CROCC2: variants seen among roughly 807,000 people sequenced by gnomAD.
CROCC2 encodes the protein ciliary rootlet coiled-coil, rootletin family member 2, also known as ciliary rootlet coiled-coil protein 2.
CROCC2 carries 163 observed loss-of-function variants against 177.6 expected under a neutral mutation model. The observed-to-expected ratio is 0.92, with a 90% confidence interval of 0.81 to 1.05. The LOEUF (loss-of-function observed/expected upper bound fraction) is 1.05. Among genes scored for constraint, CROCC2 ranks in the 50% least tolerant of loss-of-function variants. CROCC2 has a pLI of 0.00. For missense variants in CROCC2, 1,929 were observed against 1,797.8 expected, an observed-to-expected ratio of 1.07 and a Z score of -1.32; for synonymous variants, 904 against 787.3, an observed-to-expected ratio of 1.15 and a Z score of -2.48.
At chr2:240,906,758 C>A (rs1422791407) in intron 1 of CROCC2, among the ~76,000 whole-genome samples, 167 bp downstream of exon 1, 1 of 152,234 alleles carries the variant, frequency 6.6e-6, no homozygotes, top group East Asian at 1.9e-4. Flanking sequence ...GTCACGGATG[C>A]AAGCAGGCGC....
chr2:240,946,024 T>C, intron 14 of CROCC2, 36 bp from the exon 15 acceptor site: 1 of 1,450,592 alleles, frequency 6.9e-7, no homozygotes, highest in Non-Finnish European at 9.2e-7. Context: ...ACTTACTCTC[T>C]TTCTCTGCCG....
rs938170255 is a variant in CROCC2, at chr2:240,972,849, A to T, written c.4401+4587A>T. ...TTTTTGTAATCTATGAGTCATTGTG[A>T]TAGGTTTCTGGATTCAGACACACCT... On this transcript the variant is annotated intron_variant, in intron 27 of 31. Transcript: ENST00000690015. This position sits in a 1 kb window ranked among gnomAD's most constrained non-coding sequence, Gnocchi z 7.1. Among the ~76,000 whole-genome samples the T allele has an allele frequency of 2.6e-5, 4 of 151,996 alleles. No homozygotes were observed. The highest frequency in any genetic ancestry group is 9.7e-5 in the African/African-American group (4 of 41,342).
Position 240,935,378 on chromosome 2 carries a change from G to C in CROCC2, c.1959G>C (p.Gln653His). The C allele has an allele frequency of 7.3e-7, 1 of 1,360,650 alleles. No homozygotes were observed. Among genetic ancestry groups the C allele is most frequent in the Non-Finnish European group, 9.5e-7 (1 of 1,050,364 alleles). 84.3% of individuals were successfully genotyped at this position (1,360,650 alleles called of 1,614,324 possible). A position where few individuals can be genotyped will look rare whatever the true frequency, so the allele number is the denominator to read the frequency against. ...GGCAGCTGGAGCAGGAGCGGGACCA[G>C]CTGCGGGAACAGCGGAAGACTCTGG... Reference protein sequence around the residue: ...LALQLEQERDQLREQRKTLEQ... With the variant: ...LALQLEQERDHLREQRKTLEQ... Residue 653 changes from glutamine (Q) to histidine (H), a missense_variant, in exon 14 of 32, where the codon CAG becomes CAC. This residue lies in a region of CROCC2 where 1,397 missense variants were observed against 1,239.9 expected (regional missense o/e 1.13). Coordinates refer to ENST00000690015, the MANE Select transcript of CROCC2 (RefSeq NM_001351305.2).
In CROCC2 at chr2:240,989,455, C is replaced by T. The variant is rs2059862424; in HGVS notation, c.4684-199C>T. Among the ~76,000 whole-genome samples, 4 of 152,298 alleles carry T rather than the reference C, an allele frequency of 2.6e-5. No individual in the cohort carries two copies. In the South Asian group the frequency reaches 8.3e-4, roughly 32 times the overall value. ...GGCTGTGGCTTAGTCTCCAGCCCAG[C>T]CAAAGCCAAACCCAAGGCCCACGGG... On this transcript the variant is annotated intron_variant, in intron 29 of 31. Transcript: ENST00000690015.
At position 240,960,418 on chromosome 2, in the gene CROCC2, A is replaced by C. The variant is rs1453699498; in HGVS notation, c.3087+974A>C. The stretch of plus-strand genomic sequence containing the variant: ...CGTGGGGTGGGGGACAGTCTTGGGC[A>C]GGGGGCAAGAGTGGCCAGGGCTAGG... On this transcript the variant is annotated intron_variant, in intron 20 of 31. Coordinates refer to ENST00000690015, the MANE Select transcript of CROCC2 (RefSeq NM_001351305.2). The surrounding 1 kb of genome is among the most constrained non-coding windows in gnomAD (Gnocchi z 5.0). Among the ~76,000 whole-genome samples the C allele has an allele frequency of 1.3e-5, 2 of 150,746 alleles. No homozygotes were observed. Among genetic ancestry groups the C allele is most frequent in the Non-Finnish European group, 3.0e-5 (2 of 67,758 alleles).
rs759959612 is a variant in CROCC2, at chr2:240,959,328, C to A, written c.2971C>A (p.Leu991Met). 1.7e-4 allele frequency: 260 copies of A among 1,550,414 alleles called. 1 individual carries two copies. Among genetic ancestry groups the A allele is most frequent in the Non-Finnish European group, 2.2e-4 (250 of 1,146,968 alleles). ...CACCATCAGTGCCACGACTGAGGAG[C>A]TGAAGGCCCTCCAGGCCCAGTTTGA... The part of the protein sequence containing the change: ...QATISATTEE[L>M]KALQAQFEDA... The change falls in exon 20 of 32, where the codon CTG (leucine) becomes ATG (methionine). Residue 991 changes from leucine (L) to methionine (M), a missense_variant. This residue lies in a region of CROCC2 where 1,397 missense variants were observed against 1,239.9 expected (regional missense o/e 1.13). Coordinates refer to ENST00000690015, the MANE Select transcript of CROCC2 (RefSeq NM_001351305.2).
At position 240,973,700 on chromosome 2, in the gene CROCC2, T is replaced by A. The variant is rs538292376; in HGVS notation, c.4401+5438T>A. Among the ~76,000 whole-genome samples the A allele has an allele frequency of 6.6e-6, 1 of 152,250 alleles. No individual in the cohort carries two copies. The highest frequency in any genetic ancestry group is 1.5e-5 in the Non-Finnish European group (1 of 68,046). On this transcript the variant is annotated intron_variant, in intron 27 of 31. Coordinates refer to ENST00000690015, the MANE Select transcript of CROCC2 (RefSeq NM_001351305.2). This position sits in a 1 kb window ranked among gnomAD's most constrained non-coding sequence, Gnocchi z 4.7. ...CTTAGGGCCAGCGGGGCCCACAAGG[T>A]GGACACTGAGCCACAGTCAGACTTG...
At chr2:240,935,609 T>A in intron 14 of CROCC2, 21 bp downstream of exon 14, 2 of 1,381,660 alleles carry the variant, frequency 1.4e-6, no homozygotes, top group Non-Finnish European at 1.9e-6. Flanking sequence ...CTGCAGGGCA[T>A]GCTGCCGCCG....
At chr2:240,991,036 C>T (rs985665622) in intron 30 of CROCC2, among the ~76,000 whole-genome samples, 160 bp from the exon 31 acceptor site, 2 of 152,364 alleles carry the variant, frequency 1.3e-5, no homozygotes, top group African/African-American at 2.4e-5. Flanking sequence ...GTCAGTCTGA[C>T]GTCTGCCTGA....
chr2:240,944,470 A>T (rs975561063), intron 14 of CROCC2, among the ~76,000 whole-genome samples: 81 of 152,126 alleles, frequency 5.3e-4, no homozygotes, highest in African/African-American at 1.9e-3. Flanking sequence ...TATGTCTATA[A>T]CATTCTTTTG....
intron 28 of CROCC2, chr2:240,983,479 G>A (rs2059815559): frequency 8.0e-7 from 1 of 1,242,490 alleles, no homozygotes; most frequent in East Asian, 7.1e-5. Flanking sequence ...CCGAGGCGCA[G>A]GCGGAGAGGC....
rs540982645 is a variant in CROCC2, at chr2:240,950,472, G to A, written c.2791G>A (p.Asp931Asn). The change falls in exon 18 of 32, where the codon GAC becomes AAC. Residue 931 changes from aspartate (D) to asparagine (N), a missense_variant. By Grantham distance (23) the Asp-to-Asn change is conservative. Transcript: ENST00000690015. Reference protein sequence around the residue: ...GEIQSLKQERDESLLQLEHKM... With the variant: ...GEIQSLKQERNESLLQLEHKM... Reference sequence around the variant, plus strand: ...AATTCAGAGCCTGAAGCAGGAGCGGGACGAGAGCCTTCTCCAACTGGAGCA... The same window carrying A: ...AATTCAGAGCCTGAAGCAGGAGCGGAACGAGAGCCTTCTCCAACTGGAGCA... The A allele has an allele frequency of 2.0e-4, 303 of 1,550,172 alleles. No homozygotes were observed. The highest frequency in any genetic ancestry group is 3.3e-4 in the Middle Eastern group (2 of 5,986).
At position 240,986,671 on chromosome 2, in the gene CROCC2, T is replaced by C. The variant is rs1263056528; in HGVS notation, c.4552-2068T>C. Among the ~76,000 whole-genome samples the C allele has an allele frequency of 5.9e-5, 9 of 152,254 alleles. 2 individuals carry two copies. Among genetic ancestry groups the C allele is most frequent in the African/African-American group, 2.2e-4 (9 of 41,540 alleles). ...TGGGAAGGGCAGGTGTCTTTGGACT[T>C]CCATCCGTGGAGCCTGGGGGACAGC... On this transcript the variant is annotated intron_variant, in intron 28 of 31. Coordinates refer to ENST00000690015, the MANE Select transcript of CROCC2 (RefSeq NM_001351305.2).
chr2:240,968,392 G>GTT (rs1231321357), intron 27 of CROCC2, 130 bp downstream of exon 27: 1 of 1,247,872 alleles, frequency 8.0e-7, no homozygotes, highest in Non-Finnish European at 1.1e-6. Flanking sequence ...TTCTGTGGGT[G>GTT]TTCGGGGCTG....
At position 240,949,174 on chromosome 2, in the gene CROCC2, C is replaced by A; in HGVS notation, c.2482+77C>A. Reference sequence around the variant, plus strand: ...GGCCCCTGGAATGGAGCTCAGTGCCCACACGTGCTGCACCCCCTCTCCGGA... The same window carrying A: ...GGCCCCTGGAATGGAGCTCAGTGCCAACACGTGCTGCACCCCCTCTCCGGA... On this transcript the variant is annotated intron_variant, in intron 16 of 31. Transcript: ENST00000690015. The surrounding 1 kb of genome is among the most constrained non-coding windows in gnomAD (Gnocchi z 4.5). The A allele has an allele frequency of 6.9e-7, 1 of 1,459,284 alleles. No homozygotes were observed. Among genetic ancestry groups the A allele is most frequent in the South Asian group, 1.4e-5 (1 of 68,994 alleles). The allele number at this position is 1,459,284 out of a possible 1,614,324, so 90.4% of individuals were successfully genotyped here. A position where few individuals can be genotyped will look rare whatever the true frequency, so the allele number is the denominator to read the frequency against.
chr2:240,953,627 C>T lies in CROCC2; in HGVS notation c.2830-2232C>T, dbSNP rs1484419210. ...GCCAGCTGCCCTTTATTCTTGGCGG[C>T]CTGTGTAGAGAAATTGAGTGGAGAA... On this transcript the variant is annotated intron_variant, in intron 18 of 31. Transcript: ENST00000690015. The surrounding 1 kb of genome is among the most constrained non-coding windows in gnomAD (Gnocchi z 4.0). 2.0e-5 allele frequency among the ~76,000 whole-genome samples: 3 copies of T among 152,150 alleles called. No individual in the cohort carries two copies. Among genetic ancestry groups the T allele is most frequent in the Admixed American group, 2.0e-4 (3 of 15,274 alleles).
intron 5 of CROCC2, among the ~76,000 whole-genome samples, chr2:240,927,335 T>G (rs1291348087): frequency 6.6e-6 from 1 of 152,224 alleles, no homozygotes; most frequent in Non-Finnish European, 1.5e-5. Flanking sequence ...CTTGTTATTT[T>G]GGGGAAGTCA....
intron 27 of CROCC2, chr2:240,981,849 A>T (rs2059802723): frequency 6.6e-6 from 1 of 152,102 alleles, no homozygotes; most frequent in Non-Finnish European, 1.5e-5. Flanking sequence ...GGGCTCATCA[A>T]GACCTGACCA....
chr2:240,944,169 C>T (rs990167666), intron 14 of CROCC2, among the ~76,000 whole-genome samples: 1 of 152,202 alleles, frequency 6.6e-6, no homozygotes, highest in African/African-American at 2.4e-5. Context: ...TTCATTGTTG[C>T]ATAGAAAGCA....
Sources: allele counts gnomAD v4.1 joint callset (sites outside exome capture counted in the v4.1 genomes callset), GRCh38; gene constraint gnomAD v4.1.1; regional missense constraint gnomAD v4.1.1; non-coding constraint Gnocchi (gnomAD v3.1); transcripts MANE v1.5; gene names NCBI Gene and HGNC (gene_info 2026-07-23, HGNC 2026-07-21).